Variants in CAMK1D observed in about 807,000 individuals in gnomAD.
The protein encoded by CAMK1D is calcium/calmodulin dependent protein kinase ID.
CAMK1D carries 9 observed loss-of-function variants against 47.7 expected under a neutral mutation model. That is an observed-to-expected ratio of 0.19 (90% confidence interval 0.11 to 0.33). CAMK1D has a LOEUF of 0.33. Among genes scored for constraint, CAMK1D ranks in the 10% least tolerant of loss-of-function variants. The pLI is 1.00. For synonymous variants in CAMK1D, 184 were observed against 184.9 expected (o/e 0.99, Z 0.04); for missense variants, 291 against 488.7 (o/e 0.60, Z 3.81).
intron 1 of CAMK1D, among the ~76,000 whole-genome samples, chr10:12,510,347 C>T (rs1314566895): frequency 2.0e-5 from 3 of 151,910 alleles, no homozygotes; most frequent in Non-Finnish European, 2.9e-5. Flanking sequence ...ACCCAGGAGG[C>T]GGAGGTTGCA....
intron 4 of CAMK1D, among the ~76,000 whole-genome samples, chr10:12,766,533 C>G (rs1018652199): frequency 6.6e-6 from 1 of 151,996 alleles, no homozygotes; most frequent in Non-Finnish European, 1.5e-5. Context: ...CCAGTGAAAG[C>G]TTCCAGCTTG....
chr10:12,454,726 G>T (rs1171372638), intron 1 of CAMK1D, among the ~76,000 whole-genome samples: 1 of 152,160 alleles, frequency 6.6e-6, no homozygotes, highest in Non-Finnish European at 1.5e-5. Flanking sequence ...GCCCCTAAAA[G>T]TGCTGGGATT....
intron 2 of CAMK1D, among the ~76,000 whole-genome samples, chr10:12,660,909 A>T (rs1840256478): frequency 6.6e-6 from 1 of 151,942 alleles, no homozygotes; most frequent in Non-Finnish European, 1.5e-5. Flanking sequence ...AAGAGTGTTG[A>T]CCTCTGGGAT....
At chr10:12,824,392 A>G in intron 8 of CAMK1D, 73 bp from the exon 9 acceptor site, 2 of 1,319,398 alleles carry the variant, frequency 1.5e-6, no homozygotes, top group Admixed American at 1.7e-5. Flanking sequence ...GCTAGGTAAG[A>G]CTCCCCTTTA....
intron 3 of CAMK1D, among the ~76,000 whole-genome samples, chr10:12,688,559 T>G (rs1832745183): frequency 1.3e-5 from 2 of 152,114 alleles, no homozygotes; most frequent in Admixed American, 6.6e-5. Flanking sequence ...AACCCTAAGA[T>G]CCACAAAGGA....
In CAMK1D at chr10:12,541,144, C is replaced by CT. The variant is rs563446517; in HGVS notation, c.93-12078dup. On this transcript the variant is annotated intron_variant, in intron 1 of 10. Transcript: ENST00000619168. ...TTTTTGCTGTGTTTGCTTGGCAGAA[C>CT]TTTATTTTCCAGATTGGGCCTGGCT... Among the ~76,000 whole-genome samples, 32 of 152,198 alleles carry CT rather than the reference C, an allele frequency of 2.1e-4. 2 individuals are homozygous for CT. The East Asian group carries it at 5.6e-3, about 27-fold the overall frequency.
chr10:12,554,794 G>A (rs554394958), intron 2 of CAMK1D, among the ~76,000 whole-genome samples: 2 of 151,796 alleles, frequency 1.3e-5, no homozygotes, highest in East Asian at 1.9e-4. Context: ...TCCTCCTACC[G>A]CAGCCTCCCA....
chr10:12,531,821 G>T (rs1028823533), intron 1 of CAMK1D, among the ~76,000 whole-genome samples: 1 of 152,214 alleles, frequency 6.6e-6, no homozygotes, highest in African/African-American at 2.4e-5. Context: ...CTGAAAAATT[G>T]CTTTTGCTGG....
At chr10:12,564,075 C>CTAGATAGA (rs1455403902) in intron 2 of CAMK1D, among the ~76,000 whole-genome samples, 6 of 151,486 alleles carry the variant, frequency 4.0e-5, no homozygotes, top group Admixed American at 3.3e-4. Flanking sequence ...GTCTGTCTAT[C>CTAGATAGA]TATCTAGATA....
At chr10:12,469,450 C>T (rs1833685469) in intron 1 of CAMK1D, among the ~76,000 whole-genome samples, 1 of 152,054 alleles carries the variant, frequency 6.6e-6, no homozygotes, top group South Asian at 2.1e-4. Flanking sequence ...ACGGCTTCCA[C>T]TGGGGCATAA....
chr10:12,515,710 C>G (rs1188577791), intron 1 of CAMK1D, among the ~76,000 whole-genome samples: 1 of 150,638 alleles, frequency 6.6e-6, no homozygotes, highest in Non-Finnish European at 1.5e-5. Context: ...CCCGGGTTCA[C>G]GCCATTCTCC....
intron 2 of CAMK1D, among the ~76,000 whole-genome samples, chr10:12,630,373 CTT>C (rs57333952): frequency 7.5e-5 from 7 of 93,628 alleles, no homozygotes; most frequent in African/African-American, 3.7e-5. Context: ...CTTTTTCTTT[CTT>C]TTTTTTTTTT....
chr10:12,515,696 A>G lies in CAMK1D; in HGVS notation c.93-37529A>G, dbSNP rs1835188152. Among the ~76,000 whole-genome samples the G allele has an allele frequency of 2.8e-5, 4 of 144,158 alleles. No homozygotes were observed. In the South Asian group the frequency reaches 6.7e-4, roughly 24 times the overall value. 94.6% of individuals were successfully genotyped at this position (144,158 alleles called of 152,430 possible). A position where few individuals can be genotyped will look rare whatever the true frequency, so the allele number is the denominator to read the frequency against. On this transcript the variant is annotated intron_variant, in intron 1 of 10. Transcript: ENST00000619168. ...GCGATCTTGGCTCACTGCAAGCTTC[A>G]CCTCCCGGGTTCACGCCATTCTCCT...
At chr10:12,780,468 T>G (rs1837445337) in intron 5 of CAMK1D, among the ~76,000 whole-genome samples, 1 of 152,218 alleles carries the variant, frequency 6.6e-6, no homozygotes, top group Non-Finnish European at 1.5e-5. Context: ...CCTTTAAGTA[T>G]GTAAATATCT....
intron 1 of CAMK1D, among the ~76,000 whole-genome samples, chr10:12,462,641 C>T (rs780291235): frequency 1.3e-5 from 2 of 152,104 alleles, no homozygotes; most frequent in Non-Finnish European, 2.9e-5. Flanking sequence ...TGAGAAGGGT[C>T]AGAGTTCAGA....
chr10:12,459,148 G>A (rs950174945), intron 1 of CAMK1D, among the ~76,000 whole-genome samples: 1 of 151,876 alleles, frequency 6.6e-6, no homozygotes, highest in Admixed American at 6.6e-5. Context: ...CAAACTGCTG[G>A]GATTACAGGC....
rs567807561 is a variant in CAMK1D at position 12,783,002 on chromosome 10, T to G, written c.566-8156T>G. ...TTCAGTTTTTTTTTTTTTTGTTTTT[T>G]TTTTTTTTGAGACAGAGTCTTGCTC... On this transcript the variant is annotated intron_variant, in intron 5 of 10. Coordinates refer to ENST00000619168, the MANE Select transcript of CAMK1D (RefSeq NM_153498.4). Among the ~76,000 whole-genome samples the G allele has an allele frequency of 4.0e-3, 608 of 151,220 alleles. 4 individuals are homozygous for G. Among genetic ancestry groups the G allele is most frequent in the African/African-American group, 0.014 (581 of 41,166 alleles).
At chr10:12,479,495 G>A (rs1450112929) in intron 1 of CAMK1D, among the ~76,000 whole-genome samples, 3 of 152,122 alleles carry the variant, frequency 2.0e-5, no homozygotes, top group African/African-American at 4.8e-5. Flanking sequence ...GAGCCCGGCC[G>A]AGAAGCTGCA....
At chr10:12,599,597 C>T (rs939821902) in intron 2 of CAMK1D, among the ~76,000 whole-genome samples, 2 of 152,154 alleles carry the variant, frequency 1.3e-5, no homozygotes, top group African/African-American at 4.8e-5. Context: ...CAAACCTATT[C>T]GTGGTAGAAA....
Sources: allele counts gnomAD v4.1 joint callset (sites outside exome capture counted in the v4.1 genomes callset), GRCh38; gene constraint gnomAD v4.1.1; transcripts MANE v1.5; gene names NCBI Gene and HGNC (gene_info 2026-07-23, HGNC 2026-07-21).